Variants in HS3ST5 observed in about 807,000 individuals in gnomAD.
HS3ST5 encodes heparan sulfate-glucosamine 3-sulfotransferase 5, also known as heparan sulfate glucosamine 3-O-sulfotransferase 5.
Under a neutral mutation model 25.4 loss-of-function variants are expected in HS3ST5, and 10 were observed. The ratio of observed to expected loss-of-function variants is 0.39; its 90% CI spans 0.24 to 0.67. HS3ST5 has a LOEUF of 0.67. Ranked by LOEUF, HS3ST5 falls within the 30% of genes least tolerant of loss-of-function variation. HS3ST5 has a pLI of 0.44. For missense variants in HS3ST5, 324 were observed against 420.7 expected, an observed-to-expected ratio of 0.77 and a Z score of 2.01; for synonymous variants, 170 against 162.4, an observed-to-expected ratio of 1.05 and a Z score of -0.36.
intron 1 of HS3ST5, among the ~76,000 whole-genome samples, chr6:114,285,768 G>A (rs767128966): frequency 8.6e-5 from 13 of 151,836 alleles, no homozygotes; most frequent in Admixed American, 6.6e-5. Flanking sequence ...CAAACCACAT[G>A]TTTACCTATG....
intron 3 of HS3ST5, among the ~76,000 whole-genome samples, chr6:114,079,016 A>G (rs146625975): frequency 3.9e-4 from 59 of 152,310 alleles, no homozygotes; most frequent in African/African-American, 1.3e-3. Context: ...ACGTGCCTTA[A>G]TTTTAAAATA....
intron 1 of HS3ST5, among the ~76,000 whole-genome samples, chr6:114,322,034 A>G (rs1775990374): frequency 6.6e-6 from 1 of 152,054 alleles, no homozygotes; most frequent in Non-Finnish European, 1.5e-5. Flanking sequence ...GGCTTTTTTC[A>G]TTTACACAGT....
At chr6:114,095,981 T>C (rs1775403843) in intron 3 of HS3ST5, among the ~76,000 whole-genome samples, 1 of 152,134 alleles carries the variant, frequency 6.6e-6, no homozygotes, top group Admixed American at 6.5e-5. Context: ...TTCATCTCCA[T>C]ATTCCTGTTG....
At chr6:114,267,142 T>G (rs558261185) in intron 1 of HS3ST5, among the ~76,000 whole-genome samples, 1 of 152,116 alleles carries the variant, frequency 6.6e-6, no homozygotes, top group East Asian at 1.9e-4. Flanking sequence ...AAAAATCAAA[T>G]AACTAAAGAT....
intron 3 of HS3ST5, among the ~76,000 whole-genome samples, chr6:114,153,883 A>G (rs1231646806): frequency 6.6e-6 from 1 of 152,212 alleles, no homozygotes; most frequent in Non-Finnish European, 1.5e-5. Context: ...AGAAAGGTCA[A>G]GATTATTTTG....
At chr6:114,095,259 G>A (rs1011911) in intron 3 of HS3ST5, among the ~76,000 whole-genome samples, 42,673 of 152,096 alleles carry the variant, frequency 0.28, 6,716 homozygotes, top group Admixed American at 0.4. Flanking sequence ...TGCAATGACA[G>A]AGACCCTGGA....
At position 114,209,246 on chromosome 6, in the gene HS3ST5, T is replaced by C. The variant is rs573819672; in HGVS notation, c.-145+19339A>G. Among the ~76,000 whole-genome samples, 4 of 152,298 alleles carry C rather than the reference T, an allele frequency of 2.6e-5. No individual in the cohort carries two copies. The South Asian group carries it at 6.2e-4, about 24-fold the overall frequency. ...AAGCAAAGTTTCATTAAGTATATGCTAAATTTTGGCACTGTTTTTGTTTTG... is the reference window on the plus strand; with the variant it reads ...AAGCAAAGTTTCATTAAGTATATGCCAAATTTTGGCACTGTTTTTGTTTTG... On this transcript the variant is annotated intron_variant, in intron 2 of 4. Coordinates refer to ENST00000312719, the MANE Select transcript of HS3ST5 (RefSeq NM_153612.4).
chr6:114,199,985 G>A (rs180797716), intron 2 of HS3ST5, among the ~76,000 whole-genome samples: 92 of 152,212 alleles, frequency 6.0e-4, no homozygotes, highest in African/African-American at 2.1e-3. Context: ...AGGCTAAGGG[G>A]GTGGAGGGGC....
chr6:114,170,095 G>A (rs1779408173), intron 2 of HS3ST5, among the ~76,000 whole-genome samples: 1 of 152,078 alleles, frequency 6.6e-6, no homozygotes, highest in South Asian at 2.1e-4. Flanking sequence ...AACAAAAAAT[G>A]ATTTTAAGAG....
At chr6:114,321,437 T>G (rs1562275351) in intron 1 of HS3ST5, among the ~76,000 whole-genome samples, 1 of 152,098 alleles carries the variant, frequency 6.6e-6, no homozygotes, top group Non-Finnish European at 1.5e-5. Flanking sequence ...ATTATAAAAC[T>G]CTTTATTATC....
intron 4 of HS3ST5, 63 bp from the exon 5 acceptor site, chr6:114,058,253 C>T: frequency 7.8e-7 from 1 of 1,279,088 alleles, no homozygotes; most frequent in African/African-American, 1.5e-5. Flanking sequence ...TCTGGTTCCC[C>T]AGTCAGACCA....
At chr6:114,072,974 C>G (rs1474461779) in intron 3 of HS3ST5, among the ~76,000 whole-genome samples, 1 of 152,106 alleles carries the variant, frequency 6.6e-6, no homozygotes, top group Non-Finnish European at 1.5e-5. Context: ...GAACAGAGGC[C>G]TCAGAAATAA....
At chr6:114,151,232 A>G (rs1778438700) in intron 3 of HS3ST5, among the ~76,000 whole-genome samples, 1 of 152,242 alleles carries the variant, frequency 6.6e-6, no homozygotes, top group Non-Finnish European at 1.5e-5. Context: ...GACACCACGT[A>G]ATAAAAATCC....
chr6:114,100,801 T>C (rs1397958013), intron 3 of HS3ST5, among the ~76,000 whole-genome samples: 1 of 152,172 alleles, frequency 6.6e-6, no homozygotes, highest in Non-Finnish European at 1.5e-5. Flanking sequence ...ATACACAGTA[T>C]ATGGCTTCAA....
Position 114,058,023 on chromosome 6 carries a change from T to C in HS3ST5, c.275A>G (p.Lys92Arg), listed in dbSNP as rs757630611. Reference protein sequence around the residue: ...RLHDLVQQLPKAIIIGVRKGG... With the variant: ...RLHDLVQQLPRAIIIGVRKGG... ...TTTCCTCACCCCAATGATAATGGCC[T>C]TGGGGAGCTGCTGGACCAGGTCATG... Residue 92 changes from lysine (K) to arginine (R), a missense_variant, in exon 5 of 5, where the codon AAG (lysine) becomes AGG (arginine). This residue lies in a region of HS3ST5 where 121 missense variants were observed against 117.3 expected (regional missense o/e 1.03). Coordinates refer to ENST00000312719, the MANE Select transcript of HS3ST5 (RefSeq NM_153612.4). 2.5e-6 allele frequency: 4 copies of C among 1,614,172 alleles called. No homozygotes were observed. The highest frequency in any genetic ancestry group is 3.4e-6 in the Non-Finnish European group (4 of 1,180,036).
intron 1 of HS3ST5, among the ~76,000 whole-genome samples, chr6:114,267,202 G>A (rs1416651087): frequency 6.6e-6 from 1 of 152,142 alleles, no homozygotes; most frequent in Non-Finnish European, 1.5e-5. Flanking sequence ...ATAAAAATGA[G>A]TCTATGTGAT....
chr6:114,201,478 T>C (rs923589722), intron 2 of HS3ST5, among the ~76,000 whole-genome samples: 10 of 152,190 alleles, frequency 6.6e-5, no homozygotes, highest in Non-Finnish European at 1.0e-4. Flanking sequence ...GCAGTCAAAC[T>C]GTTCTTTTAA....
At chr6:114,073,997 G>T (rs1773978956) in intron 3 of HS3ST5, among the ~76,000 whole-genome samples, 1 of 152,148 alleles carries the variant, frequency 6.6e-6, no homozygotes, top group African/African-American at 2.4e-5. Context: ...CCTTTGCAGA[G>T]AGATGGATGA....
chr6:114,301,073 T>G (rs763870619), intron 1 of HS3ST5, among the ~76,000 whole-genome samples: 1 of 152,136 alleles, frequency 6.6e-6, no homozygotes, highest in Non-Finnish European at 1.5e-5. Context: ...TGTTCTAGAA[T>G]AAAATGTTCC....
Sources: gnomAD v4.1 joint callset for allele counts (sites outside exome capture counted in the v4.1 genomes callset) on GRCh38, gnomAD v4.1.1 for gene constraint, gnomAD v4.1.1 regional missense constraint, MANE v1.5 for transcripts, NCBI Gene and HGNC (gene_info 2026-07-23, HGNC 2026-07-21) for gene names.